Variants in SGSH observed in about 807,000 individuals in gnomAD.
SGSH encodes the protein N-sulfoglucosamine sulfohydrolase.
A neutral mutation model predicts 51.0 loss-of-function variants in SGSH; 48 were observed. That is an observed-to-expected ratio of 0.94 (90% CI 0.75 to 1.20). The LOEUF is 1.20. SGSH is among the 50% of genes most tolerant of loss of function. SGSH has a pLI of 0.00. For missense variants in SGSH, 662 were observed against 717.8 expected, an observed-to-expected ratio of 0.92 and a Z score of 0.89; for synonymous variants, 321 against 313.4, an observed-to-expected ratio of 1.02 and a Z score of -0.26.
intron 1 of SGSH, among the ~76,000 whole-genome samples, chr17:80,218,064 C>T (rs1900872947): frequency 1.3e-5 from 2 of 152,246 alleles, no homozygotes; most frequent in South Asian, 4.1e-4. Context: ...GATGATACCC[C>T]AGCAGGCATG....
At chr17:80,214,043 G>A (rs1217834134) in intron 5 of SGSH, 129 bp downstream of exon 5, 1 of 1,380,946 alleles carries the variant, frequency 7.2e-7, no homozygotes, top group Admixed American at 2.0e-5. Context: ...CCGAGGTTGG[G>A]AACCTGAATC....
chr17:80,212,614 G>A lies in SGSH; in HGVS notation c.746-340C>T, dbSNP rs2041714309. 1 of 406,410 alleles carries A rather than the reference G, an allele frequency of 2.5e-6. No individual in the cohort carries two copies. Among genetic ancestry groups the A allele is most frequent in the African/African-American group, 2.1e-5 (1 of 48,694 alleles). 25.2% of individuals were successfully genotyped at this position (406,410 alleles called of 1,614,324 possible). ...TGTCCCATGGAGCAAATAGGGCAGG[G>A]GCCAGAGGACGAGGCTTCCTCTATA... is the stretch of plus-strand genomic sequence containing the variant. On this transcript the variant is annotated intron_variant, in intron 6 of 7. Coordinates refer to ENST00000326317, the MANE Select transcript of SGSH (RefSeq NM_000199.5). The surrounding 1 kb of genome is among the most constrained non-coding windows in gnomAD (Gnocchi z 5.9).
rs1374036775 is a variant in SGSH at position 80,209,801 on chromosome 17, GCTCATCA to G, written c.*644_*650del. 1 of 987,092 alleles carries G rather than the reference GCTCATCA, an allele frequency of 1.0e-6. No individual in the cohort carries two copies. Among genetic ancestry groups the G allele is most frequent in the Non-Finnish European group, 1.2e-6 (1 of 831,230 alleles). 61.1% of individuals were successfully genotyped at this position (987,092 alleles called of 1,614,324 possible). The stretch of plus-strand genomic sequence containing the variant: ...CTGCCCAGAAACACCACAGGTTCAA[GCTCATCA>G]CTCAGGGAGCCTGCTGCCAATCAGC... On this transcript the variant is annotated 3_prime_UTR_variant, in exon 8 of 8. Transcript: ENST00000326317.
At chr17:80,203,981 G>A (rs1271564503), downstream of SGSH, 2 of 1,049,838 alleles carry the variant, frequency 1.9e-6, no homozygotes, top group African/African-American at 3.2e-5. This position sits in a 1 kb window ranked among gnomAD's most constrained non-coding sequence, Gnocchi z 4.6. Flanking sequence ...TGGAGAGTGG[G>A]CTGCTGATTG....
rs766938111 is a variant in SGSH at position 80,210,898 on chromosome 17, C to T, written c.1063G>A (p.Glu355Lys). The T allele has an allele frequency of 2.4e-5, 39 of 1,611,466 alleles. No individual in the cohort carries two copies. Among genetic ancestry groups the T allele is most frequent in the Admixed American group, 8.3e-5 (5 of 59,994 alleles). The change falls in exon 8 of 8, where the codon GAG (glutamate) becomes AAG (lysine). Residue 355 changes from glutamate (E) to lysine (K), a missense_variant. Glu to Lys is a moderately conservative substitution (Grantham distance 56). Transcript: ENST00000326317. ...GRSLLPALEA[E>K]PLWATVFGSQ... ...CCAAAGACGGTGGCCCAGAGGGGCT[C>T]GGCCTCCAGCGCCGGCAGGAGGGAC...
Position 80,220,325 on chromosome 17 carries a change from C to T in SGSH, c.-12G>A, listed in dbSNP as rs1598772757. The T allele has an allele frequency of 2.0e-6, 3 of 1,484,350 alleles. No individual in the cohort carries two copies. In the East Asian group the frequency reaches 8.5e-5, roughly 42 times the overall value. 91.9% of individuals were successfully genotyped at this position (1,484,350 alleles called of 1,614,324 possible). On this transcript the variant is annotated 5_prime_UTR_variant, in exon 1 of 8. Coordinates refer to ENST00000326317, the MANE Select transcript of SGSH (RefSeq NM_000199.5). ...ACGGGGCAGCTCATGGCGGCGGCGG[C>T]TCGGACTCGGGATCGGGATCCGGCT...
At chr17:80,207,745 C>G (rs1383358181), downstream of SGSH, 1 of 219,300 alleles carries the variant, frequency 4.6e-6, no homozygotes, top group African/African-American at 2.3e-5. Flanking sequence ...TTGGCACTCC[C>G]TCCCCCAAGA....
rs377605690 is a variant in SGSH at position 80,210,633 on chromosome 17, C to T, written c.1328G>A (p.Arg443Gln). 59 of 1,613,742 alleles carry T rather than the reference C, an allele frequency of 3.7e-5. No homozygotes were observed. The highest frequency in any genetic ancestry group is 1.7e-4 in the Admixed American group (10 of 59,992). Residue 443 changes from arginine (R) to glutamine (Q), a missense_variant, in exon 8 of 8, where the codon CGG (arginine) becomes CAG (glutamine). Coordinates refer to ENST00000326317, the MANE Select transcript of SGSH (RefSeq NM_000199.5). Reference sequence around the variant, plus strand: ...CAGGTTCTGGGTCTCGTGGGGGTCCCGGCTCCGGTCGTAGAGCTCCCAGCG... The same window carrying T: ...CAGGTTCTGGGTCTCGTGGGGGTCCTGGCTCCGGTCGTAGAGCTCCCAGCG... ...RARWELYDRS[R>Q]DPHETQNLAT...
intron 7 of SGSH, chr17:80,211,317 T>C: frequency 3.7e-6 from 2 of 538,854 alleles, no homozygotes; most frequent in Non-Finnish European, 3.1e-6. Context: ...GTGGCCACAG[T>C]GCTCCTGGCT....
At chr17:80,208,307 CAGA>C (rs766775669), downstream of SGSH, 45 of 1,605,858 alleles carry the variant, frequency 2.8e-5, no homozygotes, top group African/African-American at 8.0e-5. Flanking sequence ...CGCCGACGAG[CAGA>C]AGAAGGTGGT....
rs781715169 is a variant in SGSH at position 80,213,859 on chromosome 17, C to T, written c.690G>A (p.Pro230=). The T allele has an allele frequency of 6.2e-6, 10 of 1,608,648 alleles. No individual in the cohort carries two copies. Among genetic ancestry groups the T allele is most frequent in the Middle Eastern group, 1.6e-4 (1 of 6,062 alleles). ...VLVPYFVPNT[P]AARADLAAQY... is the part of the protein sequence containing the mutation. ...GAGCGGCCAGGTCGGCTCGGGCTGCCGGGGTGTTGGGGACGAAGTAAGGCA... is the reference window on the plus strand; with the variant it reads ...GAGCGGCCAGGTCGGCTCGGGCTGCTGGGGTGTTGGGGACGAAGTAAGGCA... Residue 230 remains proline, a synonymous_variant, in exon 6 of 8, where the codon CCG becomes CCA. Coordinates refer to ENST00000326317, the MANE Select transcript of SGSH (RefSeq NM_000199.5). This position sits in a 1 kb window ranked among gnomAD's most constrained non-coding sequence, Gnocchi z 4.6.
rs758203457 is a variant in SGSH, at chr17:80,217,126, G to A, written c.155C>T (p.Ala52Val). 59 of 1,601,328 alleles carry A rather than the reference G, an allele frequency of 3.7e-5. 1 individual carries two copies. Among genetic ancestry groups the A allele is most frequent in the Non-Finnish European group, 1.1e-5 (13 of 1,175,982 alleles). ...NSAIATPHLD[A>V]LARRSLLFRN... Reference sequence around the variant, plus strand: ...AAAGAGGAGGCTGCGGCGGGCCAAGGCGTCCAGGTGCGGGGTGGCGATGGC... The same window carrying A: ...AAAGAGGAGGCTGCGGCGGGCCAAGACGTCCAGGTGCGGGGTGGCGATGGC... Residue 52 changes from alanine to valine, a missense_variant, in exon 2 of 8, where the codon GCC (alanine) becomes GTC (valine). Coordinates refer to ENST00000326317, the MANE Select transcript of SGSH (RefSeq NM_000199.5).
intron 3 of SGSH, 79 bp downstream of exon 3, chr17:80,214,954 A>C: frequency 7.3e-7 from 1 of 1,378,520 alleles, no homozygotes; most frequent in South Asian, 1.2e-5. Context: ...GTGCCTTGGT[A>C]CAAGGTGCCG....
Position 80,210,711 on chromosome 17 carries a change from G to C in SGSH, c.1250C>G (p.Ala417Gly), listed in dbSNP as rs753694088. The part of the protein sequence containing the change: ...TFQDLLNRTT[A>G]GQPTGWYKDL... ...CTTGTACCAGCCCGTGGGCTGACCA[G>C]CTGTGGTGCGGTTCAGGAGGTCCTG... is the stretch of plus-strand genomic sequence containing the variant. Residue 417 changes from alanine to glycine, a missense_variant, in exon 8 of 8, where the codon GCT (alanine) becomes GGT (glycine). Physicochemically the swap from Ala to Gly is moderately conservative, Grantham distance 60. Coordinates refer to ENST00000326317, the MANE Select transcript of SGSH (RefSeq NM_000199.5). 23 of 1,614,116 alleles carry C rather than the reference G, an allele frequency of 1.4e-5. No individual in the cohort carries two copies. Among genetic ancestry groups the C allele is most frequent in the Non-Finnish European group, 1.9e-5 (23 of 1,180,038 alleles).
At chr17:80,204,910 C>T, downstream of SGSH, 3 of 789,500 alleles carry the variant, frequency 3.8e-6, no homozygotes, top group Admixed American at 3.1e-5. Context: ...TGAGCCTGTG[C>T]CCCTGGAATT....
downstream of SGSH, chr17:80,205,633 T>TG (rs1460260967): frequency 6.4e-7 from 1 of 1,554,382 alleles, no homozygotes; most frequent in African/African-American, 1.4e-5. Context: ...CGCCATGCTG[T>TG]GGAGTCCCTC....
chr17:80,207,068 G>T (rs768323293), downstream of SGSH: 25 of 1,613,834 alleles, frequency 1.5e-5, no homozygotes, highest in Non-Finnish European at 2.1e-5. Context: ...TCAACGAGAA[G>T]ATGGCAAAGA....
At position 80,214,381 on chromosome 17, in the gene SGSH, C is replaced by T. The variant is rs1567922683; in HGVS notation, c.507-53G>A. ...GCTGCGGGGCCACTGCCACGTGGCA[C>T]AGGAAGCCCCTCGGCTCTGCCTCCT... On this transcript the variant is annotated intron_variant, in intron 4 of 7. Transcript: ENST00000326317. 6.9e-6 allele frequency: 11 copies of T among 1,587,734 alleles called. No homozygotes were observed. The East Asian group carries it at 2.3e-4, about 33-fold the overall frequency.
At chr17:80,207,149 C>A, downstream of SGSH, 1 of 1,159,428 alleles carries the variant, frequency 8.6e-7, no homozygotes. Flanking sequence ...CCAAAGCCCA[C>A]GGCAGGTGCC....
Sources: gnomAD v4.1 joint callset for allele counts (sites outside exome capture counted in the v4.1 genomes callset) on GRCh38, gnomAD v4.1.1 for gene constraint, Gnocchi (gnomAD v3.1) non-coding constraint, MANE v1.5 for transcripts, NCBI Gene and HGNC (gene_info 2026-07-23, HGNC 2026-07-21) for gene names.